Variants in PDLIM5 observed in about 807,000 individuals in gnomAD.
The protein encoded by PDLIM5 is PDZ and LIM domain protein 5.
PDLIM5 carries 34 observed loss-of-function variants against 64.2 expected under a neutral mutation model. That is an observed-to-expected ratio of 0.53 (90% CI 0.40 to 0.71). The LOEUF is 0.71. Ranked by LOEUF, PDLIM5 falls within the 30% of genes least tolerant of loss-of-function variation. The pLI, the probability that PDLIM5 is intolerant of heterozygous loss-of-function variation, is 0.00. For synonymous variants in PDLIM5, 253 were observed against 269.1 expected (o/e 0.94, Z 0.59); for missense variants, 683 against 733.6 (o/e 0.93, Z 0.80).
chr4:94,535,243 A>T (rs1467648935), intron 3 of PDLIM5, among the ~76,000 whole-genome samples: 1 of 152,144 alleles, frequency 6.6e-6, no homozygotes, highest in African/African-American at 2.4e-5. Flanking sequence ...TTCTGGATAG[A>T]TGTAGAATGA....
At chr4:94,650,862 GAA>G (rs1300356204) in intron 9 of PDLIM5, among the ~76,000 whole-genome samples, 1 of 151,484 alleles carries the variant, frequency 6.6e-6, no homozygotes. Context: ...TAAACAGGGT[GAA>G]AAGTTTCATG....
At position 94,455,300 on chromosome 4, in the gene PDLIM5, C is replaced by T. The variant is rs1015831939; in HGVS notation, c.12C>T (p.Tyr4=). The T allele has an allele frequency of 6.2e-7, 1 of 1,608,912 alleles. No individual in the cohort carries two copies. The highest frequency in any genetic ancestry group is 8.5e-7 in the Non-Finnish European group (1 of 1,175,244). The change falls in exon 2 of 13, where the codon TAC becomes TAT. Residue 4 remains tyrosine, a synonymous_variant. Transcript: ENST00000317968. MSN[Y]SVSLVGPAPW... is the part of the protein sequence containing the mutation. Reference sequence around the variant, plus strand: ...GAGCCATTAGAACCATGAGCAACTACAGTGTGTCACTGGTTGGCCCAGCTC... The same window carrying T: ...GAGCCATTAGAACCATGAGCAACTATAGTGTGTCACTGGTTGGCCCAGCTC...
chr4:94,563,978 T>G (rs1734063268), intron 3 of PDLIM5, among the ~76,000 whole-genome samples: 1 of 150,168 alleles, frequency 6.7e-6, no homozygotes, highest in East Asian at 1.9e-4. Flanking sequence ...TTTTTTTCTG[T>G]TTTGAGACAG....
At chr4:94,470,654 AT>A (rs1724790181) in intron 2 of PDLIM5, among the ~76,000 whole-genome samples, 1 of 152,320 alleles carries the variant, frequency 6.6e-6, no homozygotes, top group South Asian at 2.1e-4. Flanking sequence ...AGATCACTTG[AT>A]TAGAGTTAAT....
At chr4:94,659,684 C>T (rs999052461) in intron 11 of PDLIM5, among the ~76,000 whole-genome samples, 60 of 151,928 alleles carry the variant, frequency 3.9e-4, no homozygotes, top group African/African-American at 1.3e-3. Context: ...CCCGCCACCA[C>T]GCCTGGCTAA....
intron 2 of PDLIM5, among the ~76,000 whole-genome samples, chr4:94,494,432 G>GTTTTTTTTTTTTTTTTTTTTTTTTT (rs61675663): frequency 2.8e-5 from 2 of 70,770 alleles, no homozygotes; most frequent in African/African-American, 8.8e-5. Context: ...TTTTTTTCTT[G>GTTTTTTTTTTTTTTTTTTTTTTTTT]TTTTTTTTTT....
chr4:94,490,687 G>A (rs1461111322), intron 2 of PDLIM5, among the ~76,000 whole-genome samples: 1 of 152,024 alleles, frequency 6.6e-6, no homozygotes, highest in Non-Finnish European at 1.5e-5. Flanking sequence ...AGCCAATTTA[G>A]GATTAAACAA....
chr4:94,482,117 C>CT (rs60217224), intron 2 of PDLIM5, among the ~76,000 whole-genome samples: 7,918 of 145,626 alleles, frequency 0.054, 486 homozygotes, highest in East Asian at 0.22. Context: ...TTTTACCTCC[C>CT]TTTTTTTTTT....
At chr4:94,466,862 T>G (rs1724411833) in intron 2 of PDLIM5, among the ~76,000 whole-genome samples, 1 of 152,198 alleles carries the variant, frequency 6.6e-6, no homozygotes, top group Non-Finnish European at 1.5e-5. Context: ...GAAATTGGCA[T>G]GCTATTTATA....
intron 2 of PDLIM5, among the ~76,000 whole-genome samples, chr4:94,502,591 T>C (rs1301506845): frequency 6.6e-6 from 1 of 152,054 alleles, no homozygotes; most frequent in Non-Finnish European, 1.5e-5. Flanking sequence ...ATTAAGTAAG[T>C]TAAGGCCGGG....
At chr4:94,648,740 T>G (rs1741612931) in intron 9 of PDLIM5, among the ~76,000 whole-genome samples, 2 of 152,190 alleles carry the variant, frequency 1.3e-5, no homozygotes. Flanking sequence ...CCACGCAGGT[T>G]GTTGGGCAAA....
At chr4:94,490,658 A>G (rs1726789548) in intron 2 of PDLIM5, among the ~76,000 whole-genome samples, 1 of 152,122 alleles carries the variant, frequency 6.6e-6, no homozygotes, top group Admixed American at 6.6e-5. Flanking sequence ...TAATTGTGTA[A>G]ATGTTAAATG....
chr4:94,638,878 A>G (rs1234851464), intron 8 of PDLIM5, among the ~76,000 whole-genome samples: 1 of 152,222 alleles, frequency 6.6e-6, no homozygotes, highest in Non-Finnish European at 1.5e-5. Flanking sequence ...AGGGTGCTGA[A>G]TAAGACATAA....
chr4:94,622,258 C>A (rs941311951), intron 8 of PDLIM5, among the ~76,000 whole-genome samples: 1 of 150,580 alleles, frequency 6.6e-6, no homozygotes, highest in African/African-American at 2.5e-5. Flanking sequence ...ATAGCGGATT[C>A]ATCATGTGTT....
chr4:94,587,283 CA>C (rs5860368), intron 7 of PDLIM5: 303,464 of 1,060,504 alleles, frequency 0.29, 10,285 homozygotes, highest in African/African-American at 0.46. Context: ...AATGTAAAAC[CA>C]AAAAAAAAAA....
intron 3 of PDLIM5, among the ~76,000 whole-genome samples, chr4:94,528,711 C>T (rs553102463): frequency 6.6e-6 from 1 of 152,124 alleles, no homozygotes; most frequent in Admixed American, 6.6e-5. Context: ...ATAGTACTGA[C>T]ATTTTAGAGG....
At chr4:94,509,553 TC>T (rs1432503504) in intron 2 of PDLIM5, among the ~76,000 whole-genome samples, 1 of 152,148 alleles carries the variant, frequency 6.6e-6, no homozygotes, top group Admixed American at 6.5e-5. Context: ...ATATTTTATT[TC>T]TCCATGTATT....
At chr4:94,575,358 C>G (rs753652219) in intron 4 of PDLIM5, among the ~76,000 whole-genome samples, 8 of 151,954 alleles carry the variant, frequency 5.3e-5, no homozygotes, top group Admixed American at 1.3e-4. Flanking sequence ...GCTGTATTTC[C>G]GAAATATTTT....
intron 5 of PDLIM5, chr4:94,579,456 T>C: frequency 1.3e-6 from 1 of 761,488 alleles, no homozygotes; most frequent in Non-Finnish European, 2.1e-6. Flanking sequence ...TTGAAGAACC[T>C]GGCCTTGGAA....
Sources: allele counts gnomAD v4.1 joint callset (sites outside exome capture counted in the v4.1 genomes callset), GRCh38; gene constraint gnomAD v4.1.1; transcripts MANE v1.5; gene names NCBI Gene and HGNC (gene_info 2026-07-23, HGNC 2026-07-21).